Variants in VPS13D observed in about 807,000 individuals in gnomAD.
VPS13D encodes the protein vacuolar protein sorting 13 homolog D.
Under a neutral mutation model 461.9 loss-of-function variants are expected in VPS13D, and 187 were observed. That is an observed-to-expected ratio of 0.40 (90% CI 0.36 to 0.46). VPS13D has a LOEUF of 0.46. Ranked by LOEUF, VPS13D falls within the 20% of genes least tolerant of loss-of-function variation. VPS13D has a pLI of 0.60. For synonymous variants in VPS13D, 1,951 were observed against 1,986.3 expected, an observed-to-expected ratio of 0.98 and a Z score of 0.47; for missense variants, 4,711 against 5,364.9, an observed-to-expected ratio of 0.88 and a Z score of 3.81.
At chr1:12,313,028 A>C (rs1642797243) in intron 29 of VPS13D, among the ~76,000 whole-genome samples, 1 of 152,120 alleles carries the variant, frequency 6.6e-6, no homozygotes, top group Non-Finnish European at 1.5e-5. Context: ...TTTCATGTTG[A>C]TCTCTTATCA....
intron 54 of VPS13D, 67 bp from the exon 55 acceptor site, chr1:12,373,683 G>A: frequency 2.2e-6 from 2 of 917,654 alleles, no homozygotes; most frequent in Non-Finnish European, 2.8e-6. Context: ...TTGAATACAT[G>A]TGTGAGTATG....
At chr1:12,460,166 C>T (rs756570602) in intron 66 of VPS13D, 35 bp from the exon 67 acceptor site, 65 of 1,505,448 alleles carry the variant, frequency 4.3e-5, no homozygotes, top group South Asian at 1.9e-4. Flanking sequence ...CTTTTGTCCT[C>T]GTCAGGTTAC....
intron 37 of VPS13D, among the ~76,000 whole-genome samples, chr1:12,332,136 AT>A (rs1330378814): frequency 3.3e-5 from 5 of 152,194 alleles, no homozygotes; most frequent in African/African-American, 9.7e-5. Flanking sequence ...GTGTAAAACA[AT>A]TTGGCATGAC....
chr1:12,332,353 A>C (rs1180852138), intron 37 of VPS13D, among the ~76,000 whole-genome samples: 1 of 152,238 alleles, frequency 6.6e-6, no homozygotes, highest in African/African-American at 2.4e-5. Flanking sequence ...ATTATAATGC[A>C]TGTTAATATT....
At chr1:12,306,860 A>G (rs1642580365) in intron 26 of VPS13D, among the ~76,000 whole-genome samples, 1 of 152,156 alleles carries the variant, frequency 6.6e-6, no homozygotes, top group Non-Finnish European at 1.5e-5. Flanking sequence ...CTCTTAGGCA[A>G]TTCCCAATAG....
rs187972440 is a variant in VPS13D at position 12,417,320 on chromosome 1, T to C, written c.12333+493T>C. The stretch of plus-strand genomic sequence containing the variant: ...ATGTCATTCTCCAGTATCTTGCAGC[T>C]AGTTGACTGGTTTGTTCACTGACAT... On this transcript the variant is annotated intron_variant, in intron 65 of 69. Transcript: ENST00000620676. 5.9e-5 allele frequency among the ~76,000 whole-genome samples: 9 copies of C among 152,350 alleles called. No homozygotes were observed. In the East Asian group the frequency reaches 1.7e-3, roughly 29 times the overall value.
chr1:12,311,836 C>T lies in VPS13D; in HGVS notation c.6846C>T (p.Tyr2282=), dbSNP rs751548209. The change falls in exon 29 of 70, where the codon TAC becomes TAT. Residue 2282 remains tyrosine, a synonymous_variant. Transcript: ENST00000620676. ...AGACTGTCCTGAGTGGAGAAGTGTA[C>T]ACCTGTATGTGCTTCCTCATTGATA... The part of the protein sequence containing the change: ...RIHTVLSGEV[Y]TCMCFLIDMV... 2 of 1,614,110 alleles carry T rather than the reference C, an allele frequency of 1.2e-6. No individual in the cohort carries two copies. Among genetic ancestry groups the T allele is most frequent in the South Asian group, 1.1e-5 (1 of 91,090 alleles).
chr1:12,449,923 A>G (rs577401249), intron 65 of VPS13D, among the ~76,000 whole-genome samples: 53 of 152,302 alleles, frequency 3.5e-4, no homozygotes, highest in Non-Finnish European at 5.7e-4. Flanking sequence ...CCAGGAGTTC[A>G]AGACCAACCT....
rs1159683421 is a variant in VPS13D, at chr1:12,345,494, T to C, written c.9006T>C (p.Asn3002=). The C allele has an allele frequency of 6.2e-7, 1 of 1,612,986 alleles. No homozygotes were observed. Among genetic ancestry groups the C allele is most frequent in the African/African-American group, 1.3e-5 (1 of 75,008 alleles). ...TTCGATATGCAGCACCAGATAAAAA[T>C]TCATCTTCCTCTACGGTGTGTGACA... ...TFFRYAAPDK[N]SSSSTIGSPS... The change falls in exon 43 of 70, where the codon AAT becomes AAC. Residue 3002 remains asparagine (N), a synonymous_variant. Coordinates refer to ENST00000620676, the MANE Select transcript of VPS13D (RefSeq NM_015378.4).
intron 42 of VPS13D, among the ~76,000 whole-genome samples, chr1:12,344,442 A>G (rs1643633680): frequency 6.6e-6 from 1 of 152,152 alleles, no homozygotes; most frequent in South Asian, 2.1e-4. Flanking sequence ...CTGGGCACAC[A>G]TGTGCTTGGA....
intron 54 of VPS13D, among the ~76,000 whole-genome samples, chr1:12,371,298 A>G (rs912413748): frequency 6.6e-6 from 1 of 152,076 alleles, no homozygotes; most frequent in Non-Finnish European, 1.5e-5. Context: ...CAGAAATGGA[A>G]TCATAGGAGT....
intron 4 of VPS13D, 45 bp downstream of exon 4, chr1:12,244,481 CGT>C: frequency 1.2e-6 from 2 of 1,613,740 alleles, no homozygotes; most frequent in Non-Finnish European, 1.7e-6. Flanking sequence ...TGTGGTGACA[CGT>C]GTAAGATGAG....
chr1:12,464,880 C>T (rs1477728193), intron 67 of VPS13D: 1 of 152,246 alleles, frequency 6.6e-6, no homozygotes, highest in Non-Finnish European at 1.5e-5. Flanking sequence ...GTTGCATCTT[C>T]TGGCCTACGT....
In VPS13D at chr1:12,308,659, T is replaced by C; in HGVS notation, c.6650+18T>C. ...TTGGACAAGTGAGTGTTTTTTTTTT[T>C]TTTTGAGATGGAGTCTCGCTCTGTT... On this transcript the variant is annotated intron_variant, in intron 27 of 69. Transcript: ENST00000620676. 6.2e-7 allele frequency: 1 copy of C among 1,612,000 alleles called. No homozygotes were observed. Among genetic ancestry groups the C allele is most frequent in the South Asian group, 1.1e-5 (1 of 90,898 alleles).
At chr1:12,275,375 A>AT in intron 18 of VPS13D, among the ~76,000 whole-genome samples, 1 of 152,310 alleles carries the variant, frequency 6.6e-6, no homozygotes, top group South Asian at 2.1e-4. Flanking sequence ...AGATCGTGCC[A>AT]TTGCACTCCA....
At chr1:12,426,053 C>T (rs1644921322) in intron 65 of VPS13D, among the ~76,000 whole-genome samples, 1 of 152,166 alleles carries the variant, frequency 6.6e-6, no homozygotes, top group African/African-American at 2.4e-5. Flanking sequence ...CTAAGTTTTC[C>T]GAATTAATCT....
At chr1:12,478,230 C>T (rs1645660108) in intron 67 of VPS13D, among the ~76,000 whole-genome samples, 1 of 152,260 alleles carries the variant, frequency 6.6e-6, no homozygotes, top group Non-Finnish European at 1.5e-5. Context: ...CTCCGAAGCA[C>T]GGCTGGCTTA....
intron 65 of VPS13D, among the ~76,000 whole-genome samples, chr1:12,421,905 C>A (rs2100260829): frequency 6.6e-6 from 1 of 152,276 alleles, no homozygotes; most frequent in South Asian, 2.1e-4. Context: ...ACTGAACTCT[C>A]TGCCCTCCTG....
intron 57 of VPS13D, among the ~76,000 whole-genome samples, chr1:12,382,661 C>T (rs2101649588): frequency 6.6e-6 from 1 of 152,270 alleles, no homozygotes; most frequent in Admixed American, 6.5e-5. Context: ...CTAGTTTTGG[C>T]TACTTTTTTA....
Sources: gnomAD v4.1 joint callset for allele counts (sites outside exome capture counted in the v4.1 genomes callset) on GRCh38, gnomAD v4.1.1 for gene constraint, MANE v1.5 for transcripts, NCBI Gene and HGNC (gene_info 2026-07-23, HGNC 2026-07-21) for gene names.